Variants in DDX55 observed in about 807,000 individuals in gnomAD.
DDX55 encodes ATP-dependent RNA helicase DDX55.
A neutral mutation model predicts 69.2 loss-of-function variants in DDX55; 56 were observed. That is an observed-to-expected ratio of 0.81 (90% CI 0.65 to 1.01). The LOEUF (loss-of-function observed/expected upper bound fraction) is 1.01, where lower values mean the gene tolerates loss of function less well. Ranked by LOEUF, DDX55 falls within the 50% of genes least tolerant of loss-of-function variation. The pLI is 0.00. For synonymous variants in DDX55, 268 were observed against 273.1 expected, an observed-to-expected ratio of 0.98 and a Z score of 0.18; for missense variants, 720 against 745.1, an observed-to-expected ratio of 0.97 and a Z score of 0.39.
intron 3 of DDX55, 97 bp downstream of exon 3, chr12:123,606,256 CCGTGGCT>C: frequency 1.4e-6 from 2 of 1,435,332 alleles, no homozygotes; most frequent in Non-Finnish European, 9.3e-7. Flanking sequence ...AGGCCAGAAG[CCGTGGCT>C]CACGCCTGTA....
In DDX55 at chr12:123,619,438, A is replaced by G. The variant is rs1954984292; in HGVS notation, c.1340A>G (p.Asp447Gly). Residue 447 changes from aspartate (D) to glycine (G), a missense_variant, in exon 13 of 14, where the codon GAT (aspartate) becomes GGT (glycine). Asp to Gly is a moderately conservative substitution (Grantham distance 94). Transcript: ENST00000238146. ...CNLIFRLKDL[D>G]FASLARGFAL... ...GATCTTCTGATTGAATCAGATCTTG[A>G]TTTTGCCAGCCTTGCTCGAGGTTTT... 1 of 1,611,210 alleles carries G rather than the reference A, an allele frequency of 6.2e-7. No homozygotes were observed. Among genetic ancestry groups the G allele is most frequent in the Non-Finnish European group, 8.5e-7 (1 of 1,178,966 alleles).
intron 12 of DDX55, 67 bp from the exon 13 acceptor site, chr12:123,619,365 T>C: frequency 2.6e-6 from 4 of 1,528,874 alleles, no homozygotes; most frequent in South Asian, 2.6e-5. Flanking sequence ...AAAAATTATA[T>C]TGTAAGCCAT....
chr12:123,608,264 A>G (rs1954008441), intron 5 of DDX55: 1 of 116,608 alleles, frequency 8.6e-6, no homozygotes, highest in Non-Finnish European at 1.5e-5. Flanking sequence ...AGAGGTTGGT[A>G]AGCTTTTTTT....
Position 123,606,128 on chromosome 12 carries a change from TGAG to T in DDX55, c.216_218del (p.Arg74del). 1.9e-6 allele frequency: 3 copies of T among 1,614,110 alleles called. No individual in the cohort carries two copies. Among genetic ancestry groups the T allele is most frequent in the Non-Finnish European group, 1.7e-6 (2 of 1,179,994 alleles). On this transcript the variant is annotated inframe_deletion, in exon 3 of 14. Coordinates refer to ENST00000238146, the MANE Select transcript of DDX55 (RefSeq NM_020936.3). ...GTCATCCCCATCCTGGAAATTCTTC[TGAG>T]AAGAGAAGAGAAGTTAAAAAAGAGT...
Position 123,606,167 on chromosome 12 carries a change from C to T in DDX55, c.246+8C>T. The T allele has an allele frequency of 1.2e-6, 2 of 1,613,676 alleles. No individual in the cohort carries two copies. Among genetic ancestry groups the T allele is most frequent in the Non-Finnish European group, 1.7e-6 (2 of 1,179,906 alleles). On this transcript the variant is annotated splice_region_variant and intron_variant, in intron 3 of 13. Transcript: ENST00000238146. The stretch of plus-strand genomic sequence containing the variant: ...AAGTTAAAAAAGAGTCAGGTGAGGA[C>T]AACAAAAGTGATTTATTTTCACCTA...
At chr12:123,614,694 C>T (rs766446422) in intron 8 of DDX55, among the ~76,000 whole-genome samples, 2 of 152,118 alleles carry the variant, frequency 1.3e-5, no homozygotes, top group African/African-American at 2.4e-5. Flanking sequence ...TGACTCAGCT[C>T]CAAGTCCCAA....
chr12:123,612,823 GA>G (rs5801520), intron 7 of DDX55, among the ~76,000 whole-genome samples: 33,196 of 135,752 alleles, frequency 0.24, 4,721 homozygotes, highest in African/African-American at 0.43. Flanking sequence ...TCTGTCTCTT[GA>G]AAAAAAAAAA....
rs778806463 is a variant in DDX55 at position 123,619,676 on chromosome 12, CAAAAAAGAAAAGAA to C, written c.1579_1592del (p.Lys527GlufsTer5). 6.4e-7 allele frequency: 1 copy of C among 1,560,402 alleles called. No homozygotes were observed. Among genetic ancestry groups the C allele is most frequent in the East Asian group, 2.3e-5 (1 of 43,544 alleles). On this transcript the variant is annotated frameshift_variant, in exon 13 of 14. Coordinates refer to ENST00000238146, the MANE Select transcript of DDX55 (RefSeq NM_020936.3). LOFTEE classifies it high-confidence loss of function. ...ATAAAGCTTGGTCAAAGCAGAAGGC[CAAAAAAGAAAAGAA>C]GAAAAAAATGAATGAGAAAAGGAAA...
At chr12:123,608,500 C>A (rs1207169658) in intron 5 of DDX55, 180 bp from the exon 6 acceptor site, 4 of 681,658 alleles carry the variant, frequency 5.9e-6, no homozygotes, top group Non-Finnish European at 9.5e-6. Context: ...GAACCCAGAT[C>A]CCGTCTCACC....
At chr12:123,612,358 A>C (rs531073439) in intron 7 of DDX55, among the ~76,000 whole-genome samples, 1 of 152,350 alleles carries the variant, frequency 6.6e-6, no homozygotes, top group East Asian at 1.9e-4. Context: ...GGCTGAGTAC[A>C]TGAGAAAAAA....
chr12:123,610,741 A>G (rs1383241555), intron 7 of DDX55, among the ~76,000 whole-genome samples: 2 of 146,138 alleles, frequency 1.4e-5, no homozygotes, highest in Non-Finnish European at 3.0e-5. Flanking sequence ...CCTCCCGAAT[A>G]GCTGGGACTA....
chr12:123,613,288 A>C, intron 8 of DDX55, 36 bp downstream of exon 8: 1 of 1,605,028 alleles, frequency 6.2e-7, no homozygotes, highest in Non-Finnish European at 8.5e-7. Context: ...GGCATCAGGG[A>C]TTCAGCCAGA....
At chr12:123,606,853 G>A (rs1007145524) in intron 3 of DDX55, among the ~76,000 whole-genome samples, 1 of 152,162 alleles carries the variant, frequency 6.6e-6, no homozygotes, top group African/African-American at 2.4e-5. Flanking sequence ...TGGGATTACA[G>A]GTGTGAGCTA....
At position 123,618,858 on chromosome 12, in the gene DDX55, T is replaced by A. The variant is rs745515082; in HGVS notation, c.1333+21T>A. 12 of 1,611,558 alleles carry A rather than the reference T, an allele frequency of 7.4e-6. No homozygotes were observed. The East Asian group carries it at 2.7e-4, about 36-fold the overall frequency. The stretch of plus-strand genomic sequence containing the variant: ...AAAGGGTAAGTTGGACTTCTTCATG[T>A]GATAATGTCTCCATCTTAACTATGT... On this transcript the variant is annotated intron_variant, in intron 12 of 13. Coordinates refer to ENST00000238146, the MANE Select transcript of DDX55 (RefSeq NM_020936.3).
At chr12:123,603,392 C>CCT (rs1953684686) in intron 1 of DDX55, among the ~76,000 whole-genome samples, 1 of 128,572 alleles carries the variant, frequency 7.8e-6, no homozygotes, top group East Asian at 2.3e-4. Context: ...GGTTTTTATT[C>CCT]TTTTTTTTTT....
intron 10 of DDX55, 143 bp from the exon 11 acceptor site, chr12:123,617,615 C>T (rs1046698437): frequency 1.8e-6 from 1 of 542,460 alleles, no homozygotes; most frequent in African/African-American, 2.0e-5. Context: ...ATTTCTCACA[C>T]TAGTAAGTGG....
At chr12:123,615,034 G>T in intron 8 of DDX55, 151 bp from the exon 9 acceptor site, 1 of 1,011,616 alleles carries the variant, frequency 9.9e-7, no homozygotes. Flanking sequence ...CTCAGTTGTG[G>T]ATGATTTCCA....
intron 1 of DDX55, chr12:123,605,639 C>A: frequency 2.0e-6 from 1 of 502,122 alleles, no homozygotes. Context: ...TGGAAGGGAC[C>A]CTAAAACCCA....
intron 10 of DDX55, chr12:123,616,930 G>A (rs1954716229): frequency 3.5e-6 from 1 of 285,818 alleles, no homozygotes; most frequent in Middle Eastern, 1.2e-3. Flanking sequence ...CGAGGCAGGT[G>A]AATCGTTTGA....
Sources: allele counts gnomAD v4.1 joint callset (sites outside exome capture counted in the v4.1 genomes callset), GRCh38; gene constraint gnomAD v4.1.1; transcripts MANE v1.5; gene names NCBI Gene and HGNC (gene_info 2026-07-23, HGNC 2026-07-21).